The following PCDH9 variants were observed in gnomAD, a reference collection of about 807,000 sequenced individuals.
PCDH9 encodes the protein protocadherin-9.
In PCDH9, 24 loss-of-function variants were observed where a neutral mutation model predicts 70.6. The ratio of observed to expected loss-of-function variants is 0.34; its 90% CI spans 0.25 to 0.48. PCDH9 has a LOEUF of 0.48. Ranked by LOEUF, PCDH9 falls within the 20% of genes least tolerant of loss-of-function variation. PCDH9 has a pLI of 0.99. For missense variants in PCDH9, 1,281 were observed against 1,503.6 expected (o/e 0.85, Z 2.45); for synonymous variants, 562 against 558.5 (o/e 1.01, Z -0.09).
intron 2 of PCDH9, among the ~76,000 whole-genome samples, chr13:67,030,545 C>G (rs2084884686): frequency 6.6e-6 from 1 of 151,944 alleles, no homozygotes; most frequent in African/African-American, 2.4e-5. Flanking sequence ...ATTCCACTCT[C>G]TACCTTTGTA....
intron 4 of PCDH9, among the ~76,000 whole-genome samples, chr13:66,450,339 C>T (rs1464384397): frequency 6.6e-6 from 1 of 152,058 alleles, no homozygotes; most frequent in Non-Finnish European, 1.5e-5. Context: ...CCATTGAGAA[C>T]CTTTCATATG....
chr13:66,737,504 G>A (rs191179295), intron 3 of PCDH9, among the ~76,000 whole-genome samples: 20 of 152,318 alleles, frequency 1.3e-4, no homozygotes, highest in East Asian at 7.7e-4. Context: ...CAAGATGGCC[G>A]AATAGGAACA....
At chr13:66,365,592 T>C (rs970590871) in intron 4 of PCDH9, among the ~76,000 whole-genome samples, 4 of 152,214 alleles carry the variant, frequency 2.6e-5, no homozygotes, top group Non-Finnish European at 5.9e-5. Context: ...TTGTCTTTCT[T>C]GCACTCTGGT....
intron 4 of PCDH9, among the ~76,000 whole-genome samples, chr13:66,552,874 G>A (rs185114440): frequency 1.3e-5 from 2 of 152,172 alleles, no homozygotes; most frequent in East Asian, 3.9e-4. Context: ...AGCGTGACTG[G>A]GGAGGTCTCA....
intron 2 of PCDH9, among the ~76,000 whole-genome samples, chr13:67,187,792 G>C (rs1033327536): frequency 6.6e-6 from 1 of 151,998 alleles, no homozygotes; most frequent in African/African-American, 2.4e-5. Context: ...ATACATAACA[G>C]TTGTACACAT....
rs546647181 is a variant in PCDH9, at chr13:67,179,967, A to G, written c.3036+45438T>C. Reference sequence around the variant, plus strand: ...TGTATGATCTGTATTTCAGGTACCCAAGGTAACTCCAACCTAAAGTTTATA... The same window carrying G: ...TGTATGATCTGTATTTCAGGTACCCGAGGTAACTCCAACCTAAAGTTTATA... On this transcript the variant is annotated intron_variant, in intron 2 of 4. Transcript: ENST00000377865. Among the ~76,000 whole-genome samples the G allele has an allele frequency of 1.1e-3, 163 of 152,264 alleles. 2 individuals are homozygous for G. Among genetic ancestry groups the G allele is most frequent in the African/African-American group, 3.8e-3 (160 of 41,570 alleles).
chr13:66,840,719 A>G (rs1293140984), intron 3 of PCDH9, among the ~76,000 whole-genome samples: 1 of 152,228 alleles, frequency 6.6e-6, no homozygotes, highest in Non-Finnish European at 1.5e-5. Flanking sequence ...CATATGCTAC[A>G]TTGAGTATTT....
intron 4 of PCDH9, among the ~76,000 whole-genome samples, chr13:66,533,792 T>C (rs1960573160): frequency 2.6e-5 from 4 of 152,266 alleles, no homozygotes; most frequent in South Asian, 4.2e-4. Context: ...ACAATTTTTA[T>C]TTTCACTTGT....
At chr13:66,784,895 C>T (rs2080055779) in intron 3 of PCDH9, among the ~76,000 whole-genome samples, 1 of 152,016 alleles carries the variant, frequency 6.6e-6, no homozygotes, top group Admixed American at 6.6e-5. Context: ...ACTTTATAAA[C>T]TATAGAAAAC....
intron 4 of PCDH9, among the ~76,000 whole-genome samples, chr13:66,391,883 C>CACATATAT (rs1957024009): frequency 7.0e-6 from 1 of 143,258 alleles, no homozygotes; most frequent in Admixed American, 7.1e-5. Context: ...GCCATATATG[C>CACATATAT]ATATATATAT....
chr13:66,529,295 G>A (rs1960341839), intron 4 of PCDH9, among the ~76,000 whole-genome samples: 1 of 152,048 alleles, frequency 6.6e-6, no homozygotes, highest in Admixed American at 6.6e-5. Flanking sequence ...GGCACAAACT[G>A]ATTCCCCACT....
intron 3 of PCDH9, among the ~76,000 whole-genome samples, chr13:66,876,622 ACTGT>A (rs1451596338): frequency 1.3e-5 from 2 of 152,168 alleles, no homozygotes; most frequent in African/African-American, 4.8e-5. Flanking sequence ...GTTTAAGTAC[ACTGT>A]CTGTAGCCTA....
At chr13:67,125,608 A>G (rs950906155) in intron 2 of PCDH9, among the ~76,000 whole-genome samples, 1 of 152,176 alleles carries the variant, frequency 6.6e-6, no homozygotes. Context: ...GTTATCAATA[A>G]ATATCACCAG....
intron 4 of PCDH9, among the ~76,000 whole-genome samples, chr13:66,548,150 G>A (rs896834129): frequency 6.6e-6 from 1 of 151,620 alleles, no homozygotes; most frequent in Non-Finnish European, 1.5e-5. Flanking sequence ...TTCTGGAATC[G>A]ACATTTTAAA....
At chr13:67,006,159 G>A (rs1350331117) in intron 2 of PCDH9, among the ~76,000 whole-genome samples, 1 of 152,126 alleles carries the variant, frequency 6.6e-6, no homozygotes. Flanking sequence ...CCCGGGAGGC[G>A]CAGCTTGCAG....
intron 2 of PCDH9, among the ~76,000 whole-genome samples, chr13:67,160,401 G>T (rs1381068747): frequency 6.6e-6 from 1 of 152,016 alleles, no homozygotes. Context: ...AAAAAAATTA[G>T]CCGGGCGTGG....
At chr13:66,563,692 C>T (rs948548456) in intron 4 of PCDH9, among the ~76,000 whole-genome samples, 1 of 152,180 alleles carries the variant, frequency 6.6e-6, no homozygotes, top group Non-Finnish European at 1.5e-5. Flanking sequence ...ATTCTCAAGA[C>T]ATTCACATGA....
chr13:66,495,051 G>A (rs1959091952), intron 4 of PCDH9, among the ~76,000 whole-genome samples: 1 of 151,912 alleles, frequency 6.6e-6, no homozygotes, highest in African/African-American at 2.4e-5. Context: ...AGAACAAGGA[G>A]TTAAAAACAT....
intron 3 of PCDH9, among the ~76,000 whole-genome samples, chr13:66,717,964 CTGTTGCTATTCA>C (rs2078893156): frequency 6.6e-6 from 1 of 152,146 alleles, no homozygotes; most frequent in Admixed American, 6.5e-5. Flanking sequence ...TTAACGCATA[CTGTTGCTATTCA>C]TAGCTTAACA....
Sources: allele counts gnomAD v4.1 joint callset (sites outside exome capture counted in the v4.1 genomes callset), GRCh38; gene constraint gnomAD v4.1.1; transcripts MANE v1.5; gene names NCBI Gene and HGNC (gene_info 2026-07-23, HGNC 2026-07-21).